ZPLD1: variants seen among roughly 807,000 people sequenced by gnomAD.
The protein encoded by ZPLD1 is zona pellucida-like domain-containing protein 1.
A neutral mutation model predicts 47.2 loss-of-function variants in ZPLD1; 34 were observed. The observed-to-expected ratio is 0.72, with a 90% confidence interval of 0.55 to 0.96. The LOEUF (loss-of-function observed/expected upper bound fraction) is 0.96, where lower values mean the gene tolerates loss of function less well. Among genes scored for constraint, ZPLD1 ranks in the 40% least tolerant of loss-of-function variants. The probability of loss-of-function intolerance (pLI) is 0.00; values close to 1 mark genes in which losing one functional copy is unlikely to be tolerated. For synonymous variants in ZPLD1, 176 were observed against 186.2 expected (o/e 0.95, Z 0.45); for missense variants, 512 against 505.8 (o/e 1.01, Z -0.12).
intron 8 of ZPLD1, among the ~76,000 whole-genome samples, chr3:102,423,342 C>T (rs531290737): frequency 1.3e-5 from 2 of 151,934 alleles, no homozygotes; most frequent in Admixed American, 1.3e-4. Flanking sequence ...TATAGCAAAA[C>T]CTTATTCCTC....
intron 7 of ZPLD1, among the ~76,000 whole-genome samples, chr3:102,407,363 T>C (rs1706699601): frequency 8.2e-6 from 1 of 121,894 alleles, no homozygotes; most frequent in African/African-American, 3.1e-5. Context: ...AATTTTTATT[T>C]CAGGTATTTA....
chr3:102,477,404 A>C (rs373117723), intron 11 of ZPLD1, 39 bp from the exon 12 acceptor site: 1 of 1,589,372 alleles, frequency 6.3e-7, no homozygotes, highest in African/African-American at 1.4e-5. Flanking sequence ...TAAATATTAT[A>C]TGGGGCCTTT....
At chr3:102,400,019 A>G (rs1706601981) in intron 7 of ZPLD1, among the ~76,000 whole-genome samples, 1 of 151,956 alleles carries the variant, frequency 6.6e-6, no homozygotes, top group South Asian at 2.1e-4. Flanking sequence ...GGGTTTTGCC[A>G]TGTTGGACAG....
At chr3:102,396,668 A>G (rs1394525360) in intron 7 of ZPLD1, among the ~76,000 whole-genome samples, 1 of 152,160 alleles carries the variant, frequency 6.6e-6, no homozygotes, top group African/African-American at 2.4e-5. Context: ...CTGAGATTGC[A>G]GGGTTAGCCG....
At chr3:102,390,924 C>G (rs1706487845) in intron 6 of ZPLD1, among the ~76,000 whole-genome samples, 1 of 151,912 alleles carries the variant, frequency 6.6e-6, no homozygotes, top group Non-Finnish European at 1.5e-5. Context: ...CAGTGATATT[C>G]TAGGCTCCCA....
chr3:102,393,297 G>A (rs1005249047), intron 7 of ZPLD1, among the ~76,000 whole-genome samples: 8 of 152,084 alleles, frequency 5.3e-5, no homozygotes, highest in African/African-American at 1.4e-4. Context: ...GTGCTATTAC[G>A]TGTGTTCATT....
intron 8 of ZPLD1, among the ~76,000 whole-genome samples, chr3:102,428,262 G>A (rs1224147758): frequency 6.6e-6 from 1 of 152,150 alleles, no homozygotes; most frequent in East Asian, 1.9e-4. Flanking sequence ...TCACCTTGTA[G>A]TCTATGATTT....
chr3:102,470,865 G>A (rs1707673348), intron 10 of ZPLD1, among the ~76,000 whole-genome samples: 1 of 149,886 alleles, frequency 6.7e-6, no homozygotes, highest in African/African-American at 2.5e-5. Flanking sequence ...TGCAACCTCC[G>A]CCTCCCGGGT....
At chr3:102,475,274 A>T (rs1384670658) in intron 10 of ZPLD1, among the ~76,000 whole-genome samples, 1 of 151,972 alleles carries the variant, frequency 6.6e-6, no homozygotes, top group East Asian at 1.9e-4. Flanking sequence ...ATGACAACTG[A>T]GATACTGTTT....
Position 102,470,646 on chromosome 3 carries a change from A to G in ZPLD1, c.1042+144A>G, listed in dbSNP as rs576534144. On this transcript the variant is annotated intron_variant, in intron 10 of 11. Coordinates refer to ENST00000466937, the MANE Select transcript of ZPLD1 (RefSeq NM_001329788.2). The stretch of plus-strand genomic sequence containing the variant: ...TAAACTACTAAGCAACTTTAATTTC[A>G]CAGTAGTTTCCCTGTTTACTCAACT... 266 of 642,180 alleles carry G rather than the reference A, an allele frequency of 4.1e-4. 1 individual carries two copies. Among genetic ancestry groups the G allele is most frequent in the Non-Finnish European group, 5.6e-4 (206 of 370,442 alleles). The allele number at this position is 642,180 out of a possible 1,614,324, so 39.8% of individuals were successfully genotyped here. A position where few individuals can be genotyped will look rare whatever the true frequency, so the allele number is the denominator to read the frequency against.
chr3:102,393,573 G>C (rs953103410), intron 7 of ZPLD1, among the ~76,000 whole-genome samples: 1 of 151,894 alleles, frequency 6.6e-6, no homozygotes, highest in African/African-American at 2.4e-5. Flanking sequence ...GGGCAAGAAG[G>C]CATGGCAGAA....
Position 102,470,484 on chromosome 3 carries a change from C to T in ZPLD1, c.1024C>T (p.Pro342Ser), listed in dbSNP as rs773840069. 6.2e-7 allele frequency: 1 copy of T among 1,613,724 alleles called. No individual in the cohort carries two copies. The highest frequency in any genetic ancestry group is 1.3e-5 in the African/African-American group (1 of 74,866). ...SSGSAVLSAG[P>S]IITRSDETPT... The stretch of plus-strand genomic sequence containing the variant: ...TGGCAGCGCGGTGCTCTCTGCTGGT[C>T]CCATCATTACTCGGAGTGGTAAGTG... Residue 342 changes from proline to serine, a missense_variant, in exon 10 of 12, where the codon CCC becomes TCC. Transcript: ENST00000466937.
At chr3:102,445,553 T>C (rs1707244047) in intron 3 of ZPLD1, among the ~76,000 whole-genome samples, 1 of 152,216 alleles carries the variant, frequency 6.6e-6, no homozygotes, top group South Asian at 2.1e-4. Context: ...AACATCAGCA[T>C]CACCTGGAGG....
intron 5 of ZPLD1, among the ~76,000 whole-genome samples, chr3:102,456,587 ATCTATCTC>A (rs1707421127): frequency 7.1e-6 from 1 of 139,874 alleles, no homozygotes. Flanking sequence ...CTATCTATCT[ATCTATCTC>A]TAATTGTTAT....
At position 102,401,877 on chromosome 3, in the gene ZPLD1, ATT is replaced by A. The variant is rs1706623685; in HGVS notation, c.-157+9654_-157+9655del. 3.3e-5 allele frequency among the ~76,000 whole-genome samples: 5 copies of A among 152,174 alleles called. No homozygotes were observed. The South Asian group carries it at 1.0e-3, about 31-fold the overall frequency. The stretch of plus-strand genomic sequence containing the variant: ...GAGAGAAAAAGTAACTATTCAGCTA[ATT>A]TAGACTCCACAAAGCTTTTTGTCTC... On this transcript the variant is annotated intron_variant, in intron 7 of 17. Coordinates refer to the ZPLD1 transcript ENST00000491959.
chr3:102,440,101 A>G (rs1284017866), intron 3 of ZPLD1, among the ~76,000 whole-genome samples: 4 of 152,204 alleles, frequency 2.6e-5, no homozygotes, highest in African/African-American at 9.7e-5. Flanking sequence ...ATTCAAGTCA[A>G]TTATTTTGGT....
chr3:102,446,124 G>A (rs1707252413), intron 3 of ZPLD1, among the ~76,000 whole-genome samples: 2 of 152,142 alleles, frequency 1.3e-5, no homozygotes, highest in Non-Finnish European at 2.9e-5. Context: ...TGAAATAAAT[G>A]TATTTTAATA....
chr3:102,393,571 A>C (rs1706524633), intron 7 of ZPLD1, among the ~76,000 whole-genome samples: 1 of 152,168 alleles, frequency 6.6e-6, no homozygotes, highest in Admixed American at 6.6e-5. Flanking sequence ...GAGGGCAAGA[A>C]GGCATGGCAG....
intron 3 of ZPLD1, among the ~76,000 whole-genome samples, chr3:102,444,085 T>C (rs1470271494): frequency 6.6e-6 from 1 of 152,234 alleles, no homozygotes; most frequent in African/African-American, 2.4e-5. Context: ...TCAGGGTCCA[T>C]ATTCTCCCAT....
Sources: gnomAD v4.1 joint callset for allele counts (sites outside exome capture counted in the v4.1 genomes callset) on GRCh38, gnomAD v4.1.1 for gene constraint, MANE v1.5 for transcripts, NCBI Gene and HGNC (gene_info 2026-07-23, HGNC 2026-07-21) for gene names.